Variants in DOK6 observed in about 807,000 individuals in gnomAD.
DOK6 encodes the protein downstream of tyrosine kinase 6.
DOK6 carries 22 observed loss-of-function variants against 44.0 expected under a neutral mutation model. The ratio of observed to expected loss-of-function variants is 0.50; its 90% confidence interval spans 0.36 to 0.71. The LOEUF is 0.71. Among genes scored for constraint, DOK6 ranks in the 30% least tolerant of loss-of-function variants. DOK6 has a pLI of 0.00. For synonymous variants in DOK6, 166 were observed against 145.5 expected (o/e 1.14, Z -1.01); for missense variants, 340 against 416.4 (o/e 0.82, Z 1.60).
rs1555722149 is a variant in DOK6 at position 69,672,715 on chromosome 18, G to GT, written c.290-5018dup. ...CACTATTAAAAAAAAAAAGGGGGGG[G>GT]TGGGGGCGGTGGGGAAACAAAAGTC... On this transcript the variant is annotated intron_variant, in intron 3 of 7. Transcript: ENST00000382713. Among the ~76,000 whole-genome samples, 76 of 130,254 alleles carry GT rather than the reference G, an allele frequency of 5.8e-4. 4 individuals carry two copies. The highest frequency in any genetic ancestry group is 1.8e-3 in the South Asian group (7 of 3,972). The allele number at this position is 130,254 out of a possible 152,430, so 85.5% of individuals were successfully genotyped here.
At chr18:69,627,651 G>A (rs185953990) in intron 3 of DOK6, among the ~76,000 whole-genome samples, 23 of 151,968 alleles carry the variant, frequency 1.5e-4, no homozygotes, top group East Asian at 3.9e-4. Flanking sequence ...GGGTTTCACC[G>A]TGTTAGCCAG....
intron 5 of DOK6, chr18:69,721,180 A>G (rs552115348): frequency 2.6e-5 from 4 of 152,220 alleles, no homozygotes; most frequent in Non-Finnish European, 5.9e-5. Context: ...CTGCGATAAA[A>G]TGTTATAGAA....
intron 7 of DOK6, among the ~76,000 whole-genome samples, chr18:69,782,877 A>T (rs1180878504): frequency 1.3e-5 from 2 of 152,208 alleles, no homozygotes; most frequent in African/African-American, 2.4e-5. Context: ...TCCTCCCTGA[A>T]GTGTGACCCA....
rs1048155691 is a variant in DOK6 at position 69,848,326 on chromosome 18, A to G, written c.*6943A>G. On this transcript the variant is annotated 3_prime_UTR_variant, in exon 8 of 8. Coordinates refer to ENST00000382713, the MANE Select transcript of DOK6 (RefSeq NM_152721.6). ...TTTATGATCATTTTGATAAGAAATA[A>G]CTTTGGACATTAGGCCCTTGTTAAG... is the stretch of plus-strand genomic sequence containing the variant. 4 of 152,324 alleles carry G rather than the reference A, an allele frequency of 2.6e-5. No homozygotes were observed. The South Asian group carries it at 8.3e-4, about 32-fold the overall frequency. The allele number at this position is 152,324 out of a possible 1,614,324, so 9.4% of individuals were successfully genotyped here.
chr18:69,611,134 A>G (rs1226460883), intron 3 of DOK6, among the ~76,000 whole-genome samples: 1 of 152,208 alleles, frequency 6.6e-6, no homozygotes, highest in Non-Finnish European at 1.5e-5. Context: ...GAAAACATCA[A>G]GTATACAATT....
chr18:69,495,301 A>G (rs945261950), intron 1 of DOK6, among the ~76,000 whole-genome samples: 1 of 152,224 alleles, frequency 6.6e-6, no homozygotes, highest in Non-Finnish European at 1.5e-5. Flanking sequence ...AGCAAGGGGC[A>G]TGTTTCAGCC....
rs1218311989 is a variant in DOK6 at position 69,440,632 on chromosome 18, C to A, written c.66+39322C>A. 2.0e-5 allele frequency among the ~76,000 whole-genome samples: 3 copies of A among 152,046 alleles called. 1 individual carries two copies. Among genetic ancestry groups the A allele is most frequent in the Non-Finnish European group, 4.4e-5 (3 of 67,994 alleles). ...TCTTTTTCACTGAGACCCTTGTAGA[C>A]TTTTTTCCACTGTCCTCTAGCATTT... On this transcript the variant is annotated intron_variant, in intron 1 of 7. Coordinates refer to ENST00000382713, the MANE Select transcript of DOK6 (RefSeq NM_152721.6).
intron 3 of DOK6, among the ~76,000 whole-genome samples, chr18:69,611,829 C>A (rs535973758): frequency 6.6e-6 from 1 of 152,064 alleles, no homozygotes; most frequent in Non-Finnish European, 1.5e-5. Flanking sequence ...GGGGCTGGAA[C>A]CTTGGGGACA....
intron 1 of DOK6, among the ~76,000 whole-genome samples, chr18:69,541,043 A>C (rs953342089): frequency 6.6e-6 from 1 of 152,172 alleles, no homozygotes; most frequent in Non-Finnish European, 1.5e-5. Context: ...ACTAGCATAT[A>C]TTATAATACA....
intron 1 of DOK6, among the ~76,000 whole-genome samples, chr18:69,459,187 TTGTGTGTGTG>T (rs71176967): frequency 0.015 from 1,989 of 136,846 alleles, 22 homozygotes; most frequent in African/African-American, 0.038. Context: ...AAAAAATATT[TTGTGTGTGTG>T]TGTGTGTGTG....
At chr18:69,747,803 T>C (rs567189156) in intron 6 of DOK6, among the ~76,000 whole-genome samples, 1 of 152,312 alleles carries the variant, frequency 6.6e-6, no homozygotes, top group Non-Finnish European at 1.5e-5. Context: ...CTTGTCCACA[T>C]AGTTACTTGA....
At chr18:69,840,832 A>G (rs1308866757) in intron 7 of DOK6, among the ~76,000 whole-genome samples, 2 of 152,232 alleles carry the variant, frequency 1.3e-5, no homozygotes, top group Non-Finnish European at 2.9e-5. Flanking sequence ...ATTTGCTTTT[A>G]TATGCTGAAA....
At chr18:69,753,757 A>C (rs941199327) in intron 6 of DOK6, among the ~76,000 whole-genome samples, 4 of 152,206 alleles carry the variant, frequency 2.6e-5, no homozygotes, top group African/African-American at 9.6e-5. Context: ...GCCTACAGGA[A>C]ATAGTCTTAT....
At chr18:69,590,806 C>T (rs1301634343) in intron 2 of DOK6, among the ~76,000 whole-genome samples, 2 of 151,956 alleles carry the variant, frequency 1.3e-5, no homozygotes, top group Non-Finnish European at 2.9e-5. Flanking sequence ...AAATGAGTCA[C>T]TAATGTGAAG....
chr18:69,479,047 G>T (rs1450179183), intron 1 of DOK6, among the ~76,000 whole-genome samples: 1 of 152,036 alleles, frequency 6.6e-6, no homozygotes, highest in Admixed American at 6.6e-5. Flanking sequence ...ACTGTTTCTT[G>T]AGTGCTCAGC....
intron 1 of DOK6, among the ~76,000 whole-genome samples, chr18:69,470,998 C>T (rs554363137): frequency 4.9e-4 from 75 of 151,602 alleles, no homozygotes; most frequent in African/African-American, 1.8e-3. Context: ...GCCTGTAATC[C>T]CAGCACTTTG....
intron 2 of DOK6, among the ~76,000 whole-genome samples, chr18:69,593,280 G>C (rs1380205053): frequency 6.6e-6 from 1 of 151,948 alleles, no homozygotes; most frequent in Non-Finnish European, 1.5e-5. Context: ...GCTGAAGCAA[G>C]AGGATTGCTT....
intron 5 of DOK6, among the ~76,000 whole-genome samples, chr18:69,708,585 G>C (rs1473659911): frequency 6.6e-6 from 1 of 152,106 alleles, no homozygotes; most frequent in Non-Finnish European, 1.5e-5. Flanking sequence ...AGGAGTTCGA[G>C]ACCAGCCTGA....
chr18:69,777,675 C>T (rs1180168864), intron 7 of DOK6, among the ~76,000 whole-genome samples: 1 of 151,538 alleles, frequency 6.6e-6, no homozygotes, highest in Admixed American at 6.6e-5. Flanking sequence ...TTCCCAATCT[C>T]CCACCTCTTC....
Sources: gnomAD v4.1 joint callset for allele counts (sites outside exome capture counted in the v4.1 genomes callset) on GRCh38, gnomAD v4.1.1 for gene constraint, MANE v1.5 for transcripts, NCBI Gene and HGNC (gene_info 2026-07-23, HGNC 2026-07-21) for gene names.